The following CYP4F8 variants were observed in gnomAD, a reference collection of about 807,000 sequenced individuals.
CYP4F8 encodes the protein cytochrome P450 4F8.
Under a neutral mutation model 55.0 loss-of-function variants are expected in CYP4F8, and 56 were observed. That is an observed-to-expected ratio of 1.02 (90% CI 0.82 to 1.27). CYP4F8 has a LOEUF of 1.27. Ranked by LOEUF, CYP4F8 falls within the 50% of genes most tolerant of loss-of-function variation. The pLI is 0.00. For missense variants in CYP4F8, 680 were observed against 682.4 expected (o/e 1.00, Z 0.04); for synonymous variants, 288 against 267.3 (o/e 1.08, Z -0.76).
At position 15,629,204 on chromosome 19, in the gene CYP4F8, G is replaced by T. The variant is rs1260224383; in HGVS notation, c.1409G>T (p.Gly470Val). Reference protein sequence around the residue: ...PFSAGPRNCIGQKFAMAEMKV... With the variant: ...PFSAGPRNCIVQKFAMAEMKV... ...ACCTTGGCCCCCAGGAACTGCATCGGGCAGAAGTTCGCGATGGCAGAGATG... is the reference window on the plus strand; with the variant it reads ...ACCTTGGCCCCCAGGAACTGCATCGTGCAGAAGTTCGCGATGGCAGAGATG... The change falls in exon 13 of 13, where the codon GGG becomes GTG. Residue 470 changes from glycine to valine, a missense_variant. Transcript: ENST00000612078. 6.2e-6 allele frequency: 10 copies of T among 1,609,128 alleles called. No homozygotes were observed. The highest frequency in any genetic ancestry group is 1.3e-5 in the African/African-American group (1 of 74,810).
At chr19:15,619,916 A>T (rs1368295796) in intron 5 of CYP4F8, among the ~76,000 whole-genome samples, 154 bp downstream of exon 5, 3 of 121,982 alleles carry the variant, frequency 2.5e-5, no homozygotes, top group African/African-American at 8.4e-5. Flanking sequence ...AATCCTCACT[A>T]AAAGGTGGTA....
At chr19:15,624,244 T>A (rs538567477) in intron 9 of CYP4F8, 150 bp downstream of exon 9, 21 of 1,349,670 alleles carry the variant, frequency 1.6e-5, no homozygotes, top group Non-Finnish European at 2.0e-5. Context: ...AGAAACAGGC[T>A]AGCAAGGGTA....
chr19:15,626,487 C>T (rs901763628), intron 9 of CYP4F8, among the ~76,000 whole-genome samples: 1 of 152,206 alleles, frequency 6.6e-6, no homozygotes, highest in South Asian at 2.1e-4. Flanking sequence ...TTACATTTCT[C>T]ATGTTTGAGC....
rs1368817190 is a variant in CYP4F8, at chr19:15,615,730, C to T, written c.114C>T (p.Thr38=). Residue 38 remains threonine, a synonymous_variant, in exon 2 of 13, where the codon ACC becomes ACT. Coordinates refer to ENST00000612078, the MANE Select transcript of CYP4F8 (RefSeq NM_007253.4). ...SWLLARILAW[T]YAFYHNGRRL... is the part of the protein sequence containing the mutation. ...TCCTGGCCCGCATCCTGGCCTGGAC[C>T]TATGCCTTCTATCACAACGGCCGCC... 5 of 1,613,992 alleles carry T rather than the reference C, an allele frequency of 3.1e-6. No homozygotes were observed. In the South Asian group the frequency reaches 3.3e-5, roughly 11 times the overall value.
rs763163394 is a variant in CYP4F8, at chr19:15,623,680, T to C, written c.919-19T>C. Reference sequence around the variant, plus strand: ...TCCAGTGACCCCAGAACTAGTGTGATTGGGGTTCTTGTCTCCAGGATAAAA... The same window carrying C: ...TCCAGTGACCCCAGAACTAGTGTGACTGGGGTTCTTGTCTCCAGGATAAAA... On this transcript the variant is annotated intron_variant, in intron 7 of 12. Coordinates refer to ENST00000612078, the MANE Select transcript of CYP4F8 (RefSeq NM_007253.4). 42 of 1,613,146 alleles carry C rather than the reference T, an allele frequency of 2.6e-5. No individual in the cohort carries two copies. Among genetic ancestry groups the C allele is most frequent in the Admixed American group, 1.0e-4 (6 of 59,982 alleles).
intron 6 of CYP4F8, 176 bp from the exon 7 acceptor site, chr19:15,622,929 T>A: frequency 2.9e-6 from 2 of 678,058 alleles, no homozygotes; most frequent in Non-Finnish European, 4.9e-6. Context: ...GGCCAAGCTG[T>A]GCCCTGGGGA....
At chr19:15,618,846 C>G (rs1351398838) in intron 3 of CYP4F8, 1 of 175,486 alleles carries the variant, frequency 5.7e-6, no homozygotes, top group Non-Finnish European at 1.2e-5. Context: ...CCAGGAATCT[C>G]CAATAGGAGA....
chr19:15,623,570 G>A, intron 7 of CYP4F8, 129 bp from the exon 8 acceptor site: 1 of 989,750 alleles, frequency 1.0e-6, no homozygotes, highest in Non-Finnish European at 1.4e-6. Flanking sequence ...GAGGTCGGAA[G>A]GAAGCATGTG....
rs371664303 is a variant in CYP4F8, at chr19:15,623,093, C to G, written c.648-12C>G. 6.2e-7 allele frequency: 1 copy of G among 1,610,316 alleles called. No individual in the cohort carries two copies. The highest frequency in any genetic ancestry group is 8.5e-7 in the Non-Finnish European group (1 of 1,177,154). ...TAAGGAGCTGCTTCCTCTCTCTGGACTGGCCCTGCAGGAAGCCCAGTGAAT... is the reference window on the plus strand; with the variant it reads ...TAAGGAGCTGCTTCCTCTCTCTGGAGTGGCCCTGCAGGAAGCCCAGTGAAT... On this transcript the variant is annotated splice_polypyrimidine_tract_variant and intron_variant, in intron 6 of 12. Transcript: ENST00000612078.
intron 2 of CYP4F8, among the ~76,000 whole-genome samples, chr19:15,616,263 T>G (rs1972120486): frequency 6.6e-6 from 1 of 151,274 alleles, no homozygotes; most frequent in African/African-American, 2.4e-5. Flanking sequence ...CGCTCACTCA[T>G]TCCTCTCCTC....
intron 3 of CYP4F8, 199 bp downstream of exon 3, chr19:15,618,343 C>G: frequency 1.1e-6 from 1 of 900,208 alleles, no homozygotes; most frequent in Non-Finnish European, 1.8e-6. Flanking sequence ...TCTTCCCCAC[C>G]TCCGTGTTGT....
chr19:15,625,760 C>T (rs776499268), intron 9 of CYP4F8, among the ~76,000 whole-genome samples: 20 of 151,956 alleles, frequency 1.3e-4, no homozygotes, highest in Non-Finnish European at 2.5e-4. Context: ...TTTGAGTTAA[C>T]GATGCTCTTC....
rs1471140336 is a variant in CYP4F8 at position 15,615,656 on chromosome 19, G to T, written c.40G>T (p.Val14Leu). 3.1e-6 allele frequency: 5 copies of T among 1,613,806 alleles called. No individual in the cohort carries two copies. In the Admixed American group the frequency reaches 6.7e-5, roughly 22 times the overall value. ...CCTGTCTTGGCTGGGCCTCAGGCCG[G>T]TGGCAGCATCCCCGTGGCTGCTCCT... The part of the protein sequence containing the change: ...LSLSWLGLRP[V>L]AASPWLLLLV... The change falls in exon 2 of 13, where the codon GTG becomes TTG. Residue 14 changes from valine (V) to leucine (L), a missense_variant. Coordinates refer to ENST00000612078, the MANE Select transcript of CYP4F8 (RefSeq NM_007253.4).
At chr19:15,624,164 GT>G in intron 9 of CYP4F8, 70 bp downstream of exon 9, 1 of 1,578,254 alleles carries the variant, frequency 6.3e-7, no homozygotes. Context: ...TTCTCCCCAG[GT>G]GGGGGAAAAG....
At chr19:15,623,446 G>C in intron 7 of CYP4F8, 71 bp downstream of exon 7, 1 of 1,585,372 alleles carries the variant, frequency 6.3e-7, no homozygotes, top group Non-Finnish European at 8.6e-7. Context: ...TTGAAGGACC[G>C]GACTTGATAC....
At chr19:15,622,097 TG>T in intron 5 of CYP4F8, 121 bp from the exon 6 acceptor site, 3 of 1,318,970 alleles carry the variant, frequency 2.3e-6, no homozygotes, top group East Asian at 2.6e-5. Flanking sequence ...TCCCTGAGGA[TG>T]GGGGTCTGGG....
chr19:15,622,786 G>A (rs1452847871), intron 6 of CYP4F8: 3 of 443,916 alleles, frequency 6.8e-6, no homozygotes, highest in Non-Finnish European at 1.2e-5. Context: ...CTGTCATGTA[G>A]ACACAGCATG....
At chr19:15,618,608 G>T in intron 3 of CYP4F8, 2 of 319,472 alleles carry the variant, frequency 6.3e-6, no homozygotes, top group Non-Finnish European at 1.2e-5. Flanking sequence ...TAAAGCAGGG[G>T]CAGGGTGATG....
In CYP4F8 at chr19:15,623,110, C is replaced by T. The variant is rs770716905; in HGVS notation, c.653C>T (p.Pro218Leu). 1.9e-6 allele frequency: 3 copies of T among 1,613,252 alleles called. No homozygotes were observed. Among genetic ancestry groups the T allele is most frequent in the South Asian group, 2.2e-5 (2 of 91,056 alleles). ...FSFDSNCQEK[P>L]SEYITAIMEL... ...TCTCTGGACTGGCCCTGCAGGAAGC[C>T]CAGTGAATATATTACTGCGATCATG... The change falls in exon 7 of 13, where the codon CCC (proline) becomes CTC (leucine). Residue 218 changes from proline (P) to leucine (L), a missense_variant. Transcript: ENST00000612078.
Sources: allele counts gnomAD v4.1 joint callset (sites outside exome capture counted in the v4.1 genomes callset), GRCh38; gene constraint gnomAD v4.1.1; transcripts MANE v1.5; gene names NCBI Gene and HGNC (gene_info 2026-07-23, HGNC 2026-07-21).